The following POU2AF1 variants were observed in gnomAD, a reference collection of about 807,000 sequenced individuals.
POU2AF1 encodes POU domain class 2-associating factor 1.
A neutral mutation model predicts 26.3 loss-of-function variants in POU2AF1; 12 were observed. That is an observed-to-expected ratio of 0.46 (90% CI 0.29 to 0.74). POU2AF1 has a LOEUF of 0.74. POU2AF1 is among the 30% of genes least tolerant of loss of function. The pLI, the probability that POU2AF1 is intolerant of heterozygous loss-of-function variation, is 0.09. For missense variants in POU2AF1, 297 were observed against 334.5 expected (o/e 0.89, Z 0.87); for synonymous variants, 175 against 148.0 (o/e 1.18, Z -1.32).
rs1860786330 is a variant in POU2AF1, at chr11:111,353,917, G to A, written c.*344C>T. 1 of 315,464 alleles carries A rather than the reference G, an allele frequency of 3.2e-6. No individual in the cohort carries two copies. Among genetic ancestry groups the A allele is most frequent in the Non-Finnish European group, 5.8e-6 (1 of 173,630 alleles). The allele number at this position is 315,464 out of a possible 1,614,324, so 19.5% of individuals were successfully genotyped here. A position where few individuals can be genotyped will look rare whatever the true frequency, so the allele number is the denominator to read the frequency against. On this transcript the variant is annotated 3_prime_UTR_variant, in exon 5 of 5. Transcript: ENST00000393067. ...CGAGGGAGGGAGGGAGGTAAAGAAG[G>A]AAAGGGAGAAGGGAAGGAGGGAAGG...
chr11:111,375,541 G>C (rs1026472118), intron 1 of POU2AF1, among the ~76,000 whole-genome samples: 8 of 151,636 alleles, frequency 5.3e-5, no homozygotes, highest in East Asian at 1.9e-4. Context: ...GGACTACAGG[G>C]GCCTGCCACC....
chr11:111,376,230 C>T (rs1176482311), intron 1 of POU2AF1, among the ~76,000 whole-genome samples: 1 of 152,166 alleles, frequency 6.6e-6, no homozygotes, highest in Non-Finnish European at 1.5e-5. Context: ...CATTAGAATC[C>T]CCACTTCCCA....
chr11:111,353,665 G>C lies in POU2AF1; in HGVS notation c.*596C>G. 4.3e-6 allele frequency: 1 copy of C among 234,010 alleles called. No individual in the cohort carries two copies. Among genetic ancestry groups the C allele is most frequent in the Middle Eastern group, 1.3e-3 (1 of 794 alleles). The allele number at this position is 234,010 out of a possible 1,614,324, so 14.5% of individuals were successfully genotyped here. On this transcript the variant is annotated 3_prime_UTR_variant, in exon 5 of 5. Coordinates refer to ENST00000393067, the MANE Select transcript of POU2AF1 (RefSeq NM_006235.3). The stretch of plus-strand genomic sequence containing the variant: ...TGCTGTCGGGGCTGGTCTTCCCGCC[G>C]GCCACCACATACATCTTAAAATTAC...
In POU2AF1 at chr11:111,374,209, T is replaced by C. The variant is rs535430665; in HGVS notation, c.16+4953A>G. Among the ~76,000 whole-genome samples the C allele has an allele frequency of 1.1e-4, 17 of 150,330 alleles. No homozygotes were observed. The South Asian group carries it at 3.4e-3, about 30-fold the overall frequency. On this transcript the variant is annotated intron_variant, in intron 1 of 4. Coordinates refer to ENST00000393067, the MANE Select transcript of POU2AF1 (RefSeq NM_006235.3). ...TTTCAAAACTTCTGAGTCAGTAACTTTGGGGACAAATCTGGCATTTTCTTT... is the reference window on the plus strand; with the variant it reads ...TTTCAAAACTTCTGAGTCAGTAACTCTGGGGACAAATCTGGCATTTTCTTT...
In POU2AF1 at chr11:111,354,432, T is replaced by C; in HGVS notation, c.600A>G (p.Leu200=). ...TLQYQPPAPA[L]PGPQFVQLPI... ...GGAGCTGGACAAACTGGGGCCCAGG[T>C]AGGGCTGGGGCCGGAGGCTGGTACT... The change falls in exon 5 of 5, where the codon CTA becomes CTG. Residue 200 remains leucine (L), a synonymous_variant. Transcript: ENST00000393067. 1 of 1,613,974 alleles carries C rather than the reference T, an allele frequency of 6.2e-7. No homozygotes were observed.
rs1465195750 is a variant in POU2AF1, at chr11:111,354,330, C to T, written c.702G>A (p.Lys234=). 6 of 1,614,106 alleles carry T rather than the reference C, an allele frequency of 3.7e-6. No individual in the cohort carries two copies. Among genetic ancestry groups the T allele is most frequent in the African/African-American group, 1.3e-5 (1 of 74,932 alleles). The change falls in exon 5 of 5, where the codon AAG becomes AAA. Residue 234 remains lysine, a synonymous_variant. Transcript: ENST00000393067. ...CGCTATCCTCTTCCTCCAAAAGCAG[C>T]TTGTCGATGGTCAACGAGCTGGCGG... ...RRAASSLTID[K]LLLEEEDSDA...
In POU2AF1 at chr11:111,354,346, G is replaced by A. The variant is rs754653785; in HGVS notation, c.686C>T (p.Ser229Leu). The change falls in exon 5 of 5, where the codon TCG becomes TTG. Residue 229 changes from serine (S) to leucine (L), a missense_variant. By Grantham distance (145) the Ser-to-Leu change is moderately radical (BLOSUM62 -2). Transcript: ENST00000393067. ...DMEDPRRAAS[S>L]LTIDKLLLEE... ...CAAAAGCAGCTTGTCGATGGTCAAC[G>A]AGCTGGCGGCTCTTCTGGGGTCTTC... 3 of 1,614,226 alleles carry A rather than the reference G, an allele frequency of 1.9e-6. No homozygotes were observed. The highest frequency in any genetic ancestry group is 2.2e-5 in the East Asian group (1 of 44,888).
chr11:111,370,838 A>G (rs984424752), intron 1 of POU2AF1, among the ~76,000 whole-genome samples: 2 of 152,220 alleles, frequency 1.3e-5, no homozygotes, highest in Admixed American at 6.5e-5. Context: ...TATATGTTCC[A>G]TGACACCTTC....
chr11:111,375,558 C>A (rs1187238599), intron 1 of POU2AF1, among the ~76,000 whole-genome samples: 1 of 151,910 alleles, frequency 6.6e-6, no homozygotes. Flanking sequence ...CACCACAACC[C>A]CAGCTAATTT....
At chr11:111,358,711 C>G (rs1246618626) in intron 2 of POU2AF1, 77 bp downstream of exon 2, 3 of 1,493,124 alleles carry the variant, frequency 2.0e-6, no homozygotes, top group Non-Finnish European at 2.7e-6. Context: ...CACACACATA[C>G]ACTCTCACAC....
chr11:111,372,357 G>A (rs1176597161), intron 1 of POU2AF1, among the ~76,000 whole-genome samples: 1 of 152,164 alleles, frequency 6.6e-6, no homozygotes, highest in Non-Finnish European at 1.5e-5. Flanking sequence ...CAGGTAAGCT[G>A]AAGTAAATGT....
In POU2AF1 at chr11:111,354,242, A is replaced by G; in HGVS notation, c.*19T>C. On this transcript the variant is annotated 3_prime_UTR_variant, in exon 5 of 5. Coordinates refer to ENST00000393067, the MANE Select transcript of POU2AF1 (RefSeq NM_006235.3). ...TAAAATCCCAGTTTCAGGGAACAGGACTCAGGTGGGAGCCACGCCTAAAAG... is the reference window on the plus strand; with the variant it reads ...TAAAATCCCAGTTTCAGGGAACAGGGCTCAGGTGGGAGCCACGCCTAAAAG... 1.2e-6 allele frequency: 2 copies of G among 1,612,768 alleles called. No individual in the cohort carries two copies. Among genetic ancestry groups the G allele is most frequent in the Non-Finnish European group, 1.7e-6 (2 of 1,179,418 alleles).
chr11:111,367,134 A>T (rs1591200196), intron 1 of POU2AF1, among the ~76,000 whole-genome samples: 1 of 151,972 alleles, frequency 6.6e-6, no homozygotes, highest in South Asian at 2.1e-4. Context: ...CACAGGCAAG[A>T]CTCCCAGGGA....
At chr11:111,370,537 G>A (rs978340480) in intron 1 of POU2AF1, among the ~76,000 whole-genome samples, 2 of 152,164 alleles carry the variant, frequency 1.3e-5, no homozygotes, top group Non-Finnish European at 2.9e-5. Context: ...TAGTTATGGT[G>A]CCTGCAGGTG....
At chr11:111,378,080 A>G (rs1461656913) in intron 1 of POU2AF1, among the ~76,000 whole-genome samples, 1 of 152,222 alleles carries the variant, frequency 6.6e-6, no homozygotes, top group African/African-American at 2.4e-5. Context: ...ATAAGACATA[A>G]AGCAAACAAT....
At chr11:111,378,335 G>A (rs1211529482) in intron 1 of POU2AF1, among the ~76,000 whole-genome samples, 1 of 152,210 alleles carries the variant, frequency 6.6e-6, no homozygotes, top group African/African-American at 2.4e-5. Context: ...CTTCTTGCTT[G>A]AGGAAGTATA....
At chr11:111,365,283 T>C (rs1861083860) in intron 1 of POU2AF1, among the ~76,000 whole-genome samples, 1 of 152,216 alleles carries the variant, frequency 6.6e-6, no homozygotes, top group Non-Finnish European at 1.5e-5. Context: ...TGCAAGGGAT[T>C]CCTTTATGAA....
rs1315542116 is a variant in POU2AF1 at position 111,373,604 on chromosome 11, A to G, written c.16+5558T>C. Among the ~76,000 whole-genome samples the G allele has an allele frequency of 3.3e-5, 5 of 152,390 alleles. No homozygotes were observed. In the East Asian group the frequency reaches 9.6e-4, roughly 29 times the overall value. On this transcript the variant is annotated intron_variant, in intron 1 of 4. Transcript: ENST00000393067. ...TAGAGCTGGCAAAGAACCTCAATCA[A>G]GTTCAATCTCCAGGAAAATTAGCCA...
rs1445569282 is a variant in POU2AF1 at position 111,358,707 on chromosome 11, CAT to C, written c.147+79_147+80del. ...ACACGCATACACATACTCACACACACATACACTCTCACACTATCCCTGACACA... is the reference window on the plus strand; with the variant it reads ...ACACGCATACACATACTCACACACACACACTCTCACACTATCCCTGACACA... On this transcript the variant is annotated intron_variant, in intron 2 of 4. Transcript: ENST00000393067. The C allele has an allele frequency of 2.8e-4, 412 of 1,483,422 alleles. 3 individuals carry two copies. The Admixed American group carries it at 3.9e-3, about 14-fold the overall frequency. The allele number at this position is 1,483,422 out of a possible 1,614,324, so 91.9% of individuals were successfully genotyped here.
Sources: gnomAD v4.1 joint callset for allele counts (sites outside exome capture counted in the v4.1 genomes callset) on GRCh38, gnomAD v4.1.1 for gene constraint, MANE v1.5 for transcripts, NCBI Gene and HGNC (gene_info 2026-07-23, HGNC 2026-07-21) for gene names.